The following SPARC variants were observed in gnomAD, a reference collection of about 807,000 sequenced individuals.
SPARC encodes basement-membrane protein 40.
A neutral mutation model predicts 37.7 loss-of-function variants in SPARC; 23 were observed. That is an observed-to-expected ratio of 0.61 (90% CI 0.44 to 0.87). The LOEUF (loss-of-function observed/expected upper bound fraction) is 0.87, where lower values mean the gene tolerates loss of function less well. Among genes scored for constraint, SPARC ranks in the 40% least tolerant of loss-of-function variants. SPARC has a pLI of 0.00. For missense variants in SPARC, 312 were observed against 389.0 expected, an observed-to-expected ratio of 0.80 and a Z score of 1.66; for synonymous variants, 155 against 150.8, an observed-to-expected ratio of 1.03 and a Z score of -0.20.
At chr5:151,667,825 C>T (rs1760663256) in intron 6 of SPARC, among the ~76,000 whole-genome samples, 1 of 152,252 alleles carries the variant, frequency 6.6e-6, no homozygotes. Context: ...CTTTCCTCAG[C>T]CTAATCTGCT....
chr5:151,665,699 G>A (rs1321268850), intron 8 of SPARC, among the ~76,000 whole-genome samples: 1 of 152,216 alleles, frequency 6.6e-6, no homozygotes, highest in Non-Finnish European at 1.5e-5. Flanking sequence ...CAGAGTATAA[G>A]TCCATGAGGG....
intron 1 of SPARC, among the ~76,000 whole-genome samples, chr5:151,684,553 C>T (rs1261895003): frequency 7.1e-6 from 1 of 141,098 alleles, no homozygotes; most frequent in African/African-American, 2.7e-5. Flanking sequence ...CCTGTCAGTA[C>T]TTCTAGTAAA....
chr5:151,685,974 A>G (rs1391526567), intron 1 of SPARC: 4 of 152,286 alleles, frequency 2.6e-5, no homozygotes, highest in East Asian at 1.9e-4. Flanking sequence ...TCTGAAGAAG[A>G]ACTGACACCC....
Position 151,666,367 on chromosome 5 carries a change from A to G in SPARC, c.728T>C (p.Ile243Thr). 6.2e-7 allele frequency: 1 copy of G among 1,613,842 alleles called. No individual in the cohort carries two copies. The highest frequency in any genetic ancestry group is 8.5e-7 in the Non-Finnish European group (1 of 1,179,822). ...WQFGQLDQHP[I>T]DGYLSHTELA... ...CTAGGGTCTGGGGTCTTACCCGTCA[A>G]TGGGGTGCTGGTCCAGCTGGCCGAA... Residue 243 changes from isoleucine (I) to threonine (T), a missense_variant, in exon 8 of 10, where the codon ATT (isoleucine) becomes ACT (threonine). Physicochemically the swap from Ile to Thr is moderately conservative, Grantham distance 89. Transcript: ENST00000231061.
At chr5:151,666,579 C>G (rs549185676) in intron 7 of SPARC, 70 bp from the exon 8 acceptor site, 1 of 1,486,322 alleles carries the variant, frequency 6.7e-7, no homozygotes, top group African/African-American at 1.4e-5. Flanking sequence ...GCCCTCCCAC[C>G]CCTCCCAGAA....
At chr5:151,675,401 A>G (rs79312617) in intron 2 of SPARC, among the ~76,000 whole-genome samples, 6,785 of 152,180 alleles carry the variant, frequency 0.045, 485 homozygotes, top group African/African-American at 0.15. Context: ...CCTGCATGCA[A>G]TGCTTCGAGG....
chr5:151,670,402 T>C (rs1417675506), intron 5 of SPARC, among the ~76,000 whole-genome samples: 2 of 152,246 alleles, frequency 1.3e-5, no homozygotes, highest in Non-Finnish European at 2.9e-5. Context: ...GAGTCTCTAA[T>C]GAACTTCCCT....
chr5:151,666,789 CT>C (rs1760634077), intron 7 of SPARC, among the ~76,000 whole-genome samples: 1 of 152,244 alleles, frequency 6.6e-6, no homozygotes, highest in African/African-American at 2.4e-5. Context: ...CTTTGGGAGG[CT>C]GAGGCAGGCA....
intron 6 of SPARC, 67 bp downstream of exon 6, chr5:151,669,597 C>T (rs897109068): frequency 6.5e-7 from 1 of 1,547,074 alleles, no homozygotes. Context: ...GTGGCAGAGA[C>T]AGCATCAGTG....
intron 1 of SPARC, chr5:151,679,691 C>A (rs1459949094): frequency 6.6e-6 from 1 of 152,324 alleles, no homozygotes; most frequent in African/African-American, 2.4e-5. Flanking sequence ...CCAGCAGGAC[C>A]TGAAGCTGAG....
At chr5:151,684,369 A>T (rs1761078705) in intron 1 of SPARC, among the ~76,000 whole-genome samples, 1 of 151,282 alleles carries the variant, frequency 6.6e-6, no homozygotes, top group Admixed American at 6.6e-5. Flanking sequence ...CAGCCTCAAG[A>T]GAGGAAGTGT....
chr5:151,680,890 G>A (rs1224503941), intron 1 of SPARC, among the ~76,000 whole-genome samples: 2 of 152,154 alleles, frequency 1.3e-5, no homozygotes, highest in African/African-American at 2.4e-5. Flanking sequence ...TCCATCCCCC[G>A]AAAGAATTCA....
intron 2 of SPARC, 45 bp from the exon 3 acceptor site, chr5:151,674,719 C>G (rs1395976694): frequency 1.9e-6 from 3 of 1,588,766 alleles, no homozygotes; most frequent in Non-Finnish European, 1.7e-6. Flanking sequence ...AGGAATAAGG[C>G]CAGCTTCACC....
intron 9 of SPARC, among the ~76,000 whole-genome samples, chr5:151,663,833 G>A (rs1241492637): frequency 6.6e-6 from 1 of 152,202 alleles, no homozygotes; most frequent in Non-Finnish European, 1.5e-5. Flanking sequence ...GTGCCTGCCA[G>A]TTCCCAAAAT....
chr5:151,683,926 T>G (rs1213914731), intron 1 of SPARC, among the ~76,000 whole-genome samples: 1 of 152,194 alleles, frequency 6.6e-6, no homozygotes, highest in Non-Finnish European at 1.5e-5. Flanking sequence ...TCCCTATGGG[T>G]TTGTACCTGT....
chr5:151,676,679 G>T (rs1217400833), intron 1 of SPARC, among the ~76,000 whole-genome samples: 8 of 152,092 alleles, frequency 5.3e-5, no homozygotes, highest in Non-Finnish European at 8.8e-5. Flanking sequence ...AGTTAAGTTT[G>T]GGCAATGCCA....
intron 7 of SPARC, 82 bp from the exon 8 acceptor site, chr5:151,666,591 G>T: frequency 7.4e-7 from 1 of 1,351,580 alleles, no homozygotes; most frequent in Non-Finnish European, 1.0e-6. Context: ...CTCCCAGAAG[G>T]CCAGAGCAGG....
At chr5:151,664,020 T>C in intron 9 of SPARC, 67 bp downstream of exon 9, 1 of 1,588,856 alleles carries the variant, frequency 6.3e-7, no homozygotes, top group Non-Finnish European at 8.6e-7. Flanking sequence ...AGTGGGGGGA[T>C]GACAACCCAG....
intron 9 of SPARC, 100 bp downstream of exon 9, chr5:151,663,987 A>G (rs1335126998): frequency 7.0e-7 from 1 of 1,424,462 alleles, no homozygotes; most frequent in Non-Finnish European, 9.8e-7. Context: ...AGGACAGACA[A>G]CAGACAGACC....
Sources: gnomAD v4.1 joint callset for allele counts (sites outside exome capture counted in the v4.1 genomes callset) on GRCh38, gnomAD v4.1.1 for gene constraint, MANE v1.5 for transcripts, NCBI Gene and HGNC (gene_info 2026-07-23, HGNC 2026-07-21) for gene names.